The following PLEKHA7 variants were observed in gnomAD, a reference collection of about 807,000 sequenced individuals.
PLEKHA7 encodes pleckstrin homology domain-containing family A member 7.
PLEKHA7 carries 104 observed loss-of-function variants against 170.0 expected under a neutral mutation model. The ratio of observed to expected loss-of-function variants is 0.61; its 90% CI spans 0.52 to 0.72. PLEKHA7 has a LOEUF of 0.72. Among genes scored for constraint, PLEKHA7 ranks in the 30% least tolerant of loss-of-function variants. The pLI is 0.00. For synonymous variants in PLEKHA7, 648 were observed against 660.8 expected (o/e 0.98, Z 0.30); for missense variants, 1,615 against 1,671.7 (o/e 0.97, Z 0.59).
At chr11:16,933,545 G>A (rs543708013) in intron 3 of PLEKHA7, among the ~76,000 whole-genome samples, 8 of 152,336 alleles carry the variant, frequency 5.3e-5, no homozygotes, top group African/African-American at 1.4e-4. Flanking sequence ...GACTTCCAGC[G>A]TTTTGGTTTG....
chr11:16,889,619 A>G (rs1037765710), intron 3 of PLEKHA7, among the ~76,000 whole-genome samples: 11 of 151,728 alleles, frequency 7.2e-5, no homozygotes, highest in African/African-American at 2.2e-4. Flanking sequence ...AAAAATAAAT[A>G]AAATGAAATG....
chr11:16,911,427 G>A (rs1858237339), intron 3 of PLEKHA7, among the ~76,000 whole-genome samples: 1 of 152,172 alleles, frequency 6.6e-6, no homozygotes, highest in Non-Finnish European at 1.5e-5. Context: ...CACCCCAGAG[G>A]GCATCGGAGA....
At chr11:16,863,648 C>G (rs1469756095) in intron 4 of PLEKHA7, among the ~76,000 whole-genome samples, 1 of 152,170 alleles carries the variant, frequency 6.6e-6, no homozygotes, top group Non-Finnish European at 1.5e-5. Flanking sequence ...CTCCTCTTCC[C>G]CGAGAGCTGC....
intron 3 of PLEKHA7, among the ~76,000 whole-genome samples, chr11:16,903,627 C>A (rs973061045): frequency 6.6e-6 from 1 of 152,158 alleles, no homozygotes; most frequent in Non-Finnish European, 1.5e-5. Flanking sequence ...TGCTTCTTGG[C>A]ATATAAATAA....
At chr11:16,853,971 A>G (rs1853207707) in intron 6 of PLEKHA7, among the ~76,000 whole-genome samples, 6 of 152,226 alleles carry the variant, frequency 3.9e-5, no homozygotes, top group African/African-American at 1.4e-4. Context: ...TTTAGATGCT[A>G]TGCTAGGTGA....
chr11:16,931,440 A>G (rs575217038), intron 3 of PLEKHA7, among the ~76,000 whole-genome samples: 1 of 152,150 alleles, frequency 6.6e-6, no homozygotes, highest in Non-Finnish European at 1.5e-5. Flanking sequence ...ATTGAAGCTG[A>G]GGCCAGGTAC....
chr11:16,917,243 G>T (rs1004506958), intron 3 of PLEKHA7, among the ~76,000 whole-genome samples: 2 of 152,034 alleles, frequency 1.3e-5, no homozygotes, highest in Admixed American at 6.6e-5. Flanking sequence ...TAAAAAATTG[G>T]CCGTTGACTT....
At chr11:16,888,106 C>T (rs951117243) in intron 3 of PLEKHA7, among the ~76,000 whole-genome samples, 2 of 149,504 alleles carry the variant, frequency 1.3e-5, no homozygotes, top group Non-Finnish European at 3.0e-5. Context: ...AGTGAGGAGC[C>T]CCTCCGCCTG....
intron 3 of PLEKHA7, among the ~76,000 whole-genome samples, chr11:16,887,901 G>A (rs1477192267): frequency 2.0e-5 from 3 of 151,180 alleles, no homozygotes; most frequent in African/African-American, 7.3e-5. Context: ...CCTAGTCTGG[G>A]AAGTGAGGAG....
intron 3 of PLEKHA7, among the ~76,000 whole-genome samples, chr11:17,006,294 C>T (rs1265061591): frequency 6.6e-6 from 1 of 150,806 alleles, no homozygotes; most frequent in Non-Finnish European, 1.5e-5. Flanking sequence ...CACCACTGCA[C>T]TCCAGCCTGG....
intron 26 of PLEKHA7, among the ~76,000 whole-genome samples, chr11:16,779,736 G>C (rs1848882847): frequency 6.6e-6 from 1 of 152,184 alleles, no homozygotes; most frequent in Admixed American, 6.5e-5. Flanking sequence ...ACCCAGGATA[G>C]ACACCTGCCA....
At chr11:16,827,053 C>A (rs957046480) in intron 9 of PLEKHA7, among the ~76,000 whole-genome samples, 4 of 152,194 alleles carry the variant, frequency 2.6e-5, no homozygotes, top group African/African-American at 9.6e-5. Flanking sequence ...CACTCCTGTG[C>A]TCCTATTCTA....
chr11:16,994,770 G>C (rs947671401), intron 3 of PLEKHA7, among the ~76,000 whole-genome samples: 1 of 152,020 alleles, frequency 6.6e-6, no homozygotes. Flanking sequence ...GATCCAGCTC[G>C]GGCTCTCCAA....
chr11:16,903,573 C>T (rs533837179), intron 3 of PLEKHA7, among the ~76,000 whole-genome samples: 2 of 152,062 alleles, frequency 1.3e-5, no homozygotes, highest in African/African-American at 4.8e-5. Flanking sequence ...ATGCTGTTTT[C>T]CTGTATTTCT....
intron 3 of PLEKHA7, among the ~76,000 whole-genome samples, chr11:17,005,979 A>G (rs1864965577): frequency 6.6e-6 from 1 of 152,206 alleles, no homozygotes; most frequent in Non-Finnish European, 1.5e-5. Flanking sequence ...TATATATGTA[A>G]GCTGCTAGTT....
chr11:16,794,735 C>T (rs1347672884), intron 18 of PLEKHA7, 21 bp from the exon 19 acceptor site: 1 of 1,609,658 alleles, frequency 6.2e-7, no homozygotes. Flanking sequence ...TAGAAGGAAA[C>T]AAAGCACGGG....
Position 16,817,496 on chromosome 11 carries a change from G to A in PLEKHA7, c.1344-174C>T, listed in dbSNP as rs1043486840. ...TCAGTCACTTCCCCTTTTGGCAGAC[G>A]ACTCCAAAACCATTTTTCTCTGTCA... On this transcript the variant is annotated intron_variant, in intron 10 of 26. Coordinates refer to ENST00000531066, the MANE Select transcript of PLEKHA7 (RefSeq NM_001329630.2). The surrounding 1 kb of genome is among the most constrained non-coding windows in gnomAD (Gnocchi z 4.4). The A allele has an allele frequency of 1.8e-5, 11 of 610,674 alleles. No individual in the cohort carries two copies. Among genetic ancestry groups the A allele is most frequent in the East Asian group, 2.9e-5 (1 of 34,416 alleles). 37.8% of individuals were successfully genotyped at this position (610,674 alleles called of 1,614,324 possible).
chr11:16,979,627 C>T (rs1863293273), intron 3 of PLEKHA7, among the ~76,000 whole-genome samples: 2 of 152,016 alleles, frequency 1.3e-5, no homozygotes, highest in Non-Finnish European at 2.9e-5. Flanking sequence ...TTTCTAAAGC[C>T]TTTTACCATT....
intron 3 of PLEKHA7, among the ~76,000 whole-genome samples, chr11:16,961,358 A>T (rs976871517): frequency 6.6e-6 from 1 of 152,216 alleles, no homozygotes; most frequent in Non-Finnish European, 1.5e-5. Flanking sequence ...TGCTCAGCTC[A>T]TCGGAGAGTA....
Sources: gnomAD v4.1 joint callset for allele counts (sites outside exome capture counted in the v4.1 genomes callset) on GRCh38, gnomAD v4.1.1 for gene constraint, Gnocchi (gnomAD v3.1) non-coding constraint, MANE v1.5 for transcripts, NCBI Gene and HGNC (gene_info 2026-07-23, HGNC 2026-07-21) for gene names.